Variants in PHF8 observed in about 807,000 individuals in gnomAD.
The protein encoded by PHF8 is histone lysine demethylase PHF8.
In PHF8, 9 loss-of-function variants were observed where a neutral mutation model predicts 74.4. The observed-to-expected ratio is 0.12, with a 90% CI of 0.07 to 0.21. The LOEUF (loss-of-function observed/expected upper bound fraction) is 0.21. PHF8 is among the 10% of genes least tolerant of loss of function. The pLI is 1.00. For missense variants in PHF8, 478 were observed against 816.6 expected (o/e 0.59, Z 5.05); for synonymous variants, 311 against 316.6 (o/e 0.98, Z 0.19).
Position 54,016,684 on chromosome X carries a change from C to T in PHF8, c.507G>A (p.Lys169=), listed in dbSNP as rs1557108304. The change falls in exon 6 of 22, where the codon AAG becomes AAA. Residue 169 remains lysine, a synonymous_variant. Coordinates refer to ENST00000338154, the MANE Select transcript of PHF8 (RefSeq NM_015107.3). ...VIDVTRQADC[K]MKLGDFVKYY... is the part of the protein sequence containing the mutation. ...ATTTCACAAAATCACCAAGCTTCAT[C>T]TTGCAGTCAGCCTGGCGGGTCACAT... is the stretch of plus-strand genomic sequence containing the variant. 1.3e-5 allele frequency: 16 copies of T among 1,199,985 alleles called. No homozygotes were observed. Among genetic ancestry groups the T allele is most frequent in the Non-Finnish European group, 1.8e-5 (16 of 885,058 alleles).
Position 54,002,740 on chromosome X carries a change from C to G in PHF8, c.947-58G>C. Reference sequence around the variant, plus strand: ...AGAGGGCCTTTCTTCCTCTGATTATCTCCACTACCTACTCATCTCAAACCC... The same window carrying G: ...AGAGGGCCTTTCTTCCTCTGATTATGTCCACTACCTACTCATCTCAAACCC... On this transcript the variant is annotated intron_variant, in intron 8 of 21. Transcript: ENST00000338154. 7 of 770,095 alleles carry G rather than the reference C, an allele frequency of 9.1e-6. No individual in the cohort carries two copies. The South Asian group carries it at 1.5e-4, about 16-fold the overall frequency. 63.5% of individuals were successfully genotyped at this position (770,095 alleles called of 1,213,427 possible). A position where few individuals can be genotyped will look rare whatever the true frequency, so the allele number is the denominator to read the frequency against.
At chrX:54,018,413 G>A (rs1039228247) in intron 4 of PHF8, among the ~76,000 whole-genome samples, 2 of 106,430 alleles carry the variant, frequency 1.9e-5, no homozygotes, top group South Asian at 8.5e-4. Flanking sequence ...CTTTGAACAT[G>A]CCACTGCACT....
chrX:53,938,973 G>C lies in PHF8; in HGVS notation c.*185C>G. ...TGGAGAAGGCAGGCAGGATGCTCTA[G>C]TGAAAGTGGGGAAGGGAACTAGAAG... On this transcript the variant is annotated 3_prime_UTR_variant, in exon 22 of 22. Coordinates refer to ENST00000338154, the MANE Select transcript of PHF8 (RefSeq NM_015107.3). The C allele has an allele frequency of 3.0e-6, 3 of 1,012,201 alleles. No individual in the cohort carries two copies. The highest frequency in any genetic ancestry group is 3.8e-6 in the Non-Finnish European group (3 of 798,503). The allele number at this position is 1,012,201 out of a possible 1,213,427, so 83.4% of individuals were successfully genotyped here. A position where few individuals can be genotyped will look rare whatever the true frequency, so the allele number is the denominator to read the frequency against.
rs1021548896 is a variant in PHF8, at chrX:53,936,830, C to G, written c.*2328G>C. ...ACCCTAACCTATTTATAAAAAGGCCCTGCATCAGAAATTCACAATCCTACC... is the reference window on the plus strand; with the variant it reads ...ACCCTAACCTATTTATAAAAAGGCCGTGCATCAGAAATTCACAATCCTACC... On this transcript the variant is annotated 3_prime_UTR_variant, in exon 22 of 22. Transcript: ENST00000338154. 8.9e-6 allele frequency: 1 copy of G among 111,766 alleles called. No individual in the cohort carries two copies. The highest frequency in any genetic ancestry group is 3.3e-5 in the African/African-American group (1 of 30,622). 9.2% of individuals were successfully genotyped at this position (111,766 alleles called of 1,213,427 possible). A position where few individuals can be genotyped will look rare whatever the true frequency, so the allele number is the denominator to read the frequency against.
chrX:54,017,869 A>C, intron 4 of PHF8, 48 bp from the exon 5 acceptor site: 1 of 1,150,396 alleles, frequency 8.7e-7, no homozygotes, highest in African/African-American at 1.8e-5. Flanking sequence ...CTGCCCACTA[A>C]AGGCCTTATT....
At chrX:53,994,054 A>T (rs782557006) in intron 12 of PHF8, 151 bp from the exon 13 acceptor site, 1 of 458,577 alleles carries the variant, frequency 2.2e-6, no homozygotes, top group East Asian at 3.7e-5. Flanking sequence ...TTACATAATG[A>T]GTCATCAAGA....
At chrX:53,979,119 GCCTATAAT>G (rs1246053788) in intron 18 of PHF8, among the ~76,000 whole-genome samples, 1 of 112,115 alleles carries the variant, frequency 8.9e-6, no homozygotes, top group Non-Finnish European at 1.9e-5. Flanking sequence ...AGTGGGTCAC[GCCTATAAT>G]CCCAGCACTT....
At chrX:53,992,431 T>C (rs1365641555) in intron 14 of PHF8, among the ~76,000 whole-genome samples, 4 of 112,027 alleles carry the variant, frequency 3.6e-5, no homozygotes, top group Non-Finnish European at 7.5e-5. Flanking sequence ...CTAATGCTTT[T>C]AGTAAGTATG....
intron 6 of PHF8, 128 bp from the exon 7 acceptor site, chrX:54,014,691 C>T (rs368619104): frequency 2.0e-5 from 10 of 511,615 alleles, no homozygotes; most frequent in Admixed American, 1.1e-4. Flanking sequence ...ACAGAATCCC[C>T]AAAGGCACAT....
chrX:53,995,776 G>A lies in PHF8; in HGVS notation c.1240C>T (p.Pro414Ser), dbSNP rs1277147445. The A allele has an allele frequency of 1.7e-6, 2 of 1,173,180 alleles. No homozygotes were observed. Among genetic ancestry groups the A allele is most frequent in the Admixed American group, 2.2e-5 (1 of 45,526 alleles). The change falls in exon 12 of 22, where the codon CCA becomes TCA. Residue 414 changes from proline to serine, a missense_variant. Physicochemically the swap from Pro to Ser is moderately conservative, Grantham distance 74. Coordinates refer to ENST00000338154, the MANE Select transcript of PHF8 (RefSeq NM_015107.3). ...TCCGGGATCTCATCCTCATGGTCTG[G>A]CAGAGCCTGTCAAACAAGAGGCATG... ...FRAWTRKEALPDHEDEIPETV... is the reference protein window; with the variant it reads ...FRAWTRKEALSDHEDEIPETV...
Position 54,044,201 on chromosome X carries a change from G to A in PHF8, c.-532C>T. On this transcript the variant is annotated 5_prime_UTR_variant, in exon 1 of 22. Transcript: ENST00000338154. ...CGGCGAACGGGCAAGTGGCGTCGTC[G>A]CTGGGCCGGCAGGAGATACTCGCGA... is the stretch of plus-strand genomic sequence containing the variant. 1.3e-6 allele frequency: 1 copy of A among 755,020 alleles called. No individual in the cohort carries two copies. Among genetic ancestry groups the A allele is most frequent in the Non-Finnish European group, 1.6e-6 (1 of 639,431 alleles). The allele number at this position is 755,020 out of a possible 1,213,427, so 62.2% of individuals were successfully genotyped here. A position where few individuals can be genotyped will look rare whatever the true frequency, so the allele number is the denominator to read the frequency against.
At chrX:54,023,841 CAAAAAAAA>C (rs782579990) in intron 2 of PHF8, among the ~76,000 whole-genome samples, 2 of 39,189 alleles carry the variant, frequency 5.1e-5, no homozygotes, top group Non-Finnish European at 9.8e-5. Flanking sequence ...ACCCTGTCTC[CAAAAAAAA>C]AAAAAAAAAA....
intron 18 of PHF8, among the ~76,000 whole-genome samples, chrX:53,968,824 G>A (rs1432458268): frequency 9.0e-6 from 1 of 111,686 alleles, no homozygotes; most frequent in African/African-American, 3.3e-5. Context: ...CAGGAGAATC[G>A]CTTGAACCCA....
chrX:53,950,499 G>C (rs1325024136), intron 19 of PHF8, among the ~76,000 whole-genome samples: 2 of 112,508 alleles, frequency 1.8e-5, no homozygotes, highest in East Asian at 5.6e-4. Context: ...CCCTAAGCAT[G>C]CACCTCTGTC....
chrX:53,941,617 A>G (rs2064752406), intron 20 of PHF8, among the ~76,000 whole-genome samples: 1 of 112,052 alleles, frequency 8.9e-6, no homozygotes, highest in African/African-American at 3.2e-5. Flanking sequence ...AAACCAACTC[A>G]GTGATCACAT....
chrX:54,044,760 C>T, upstream of PHF8: 1 of 595,668 alleles, frequency 1.7e-6, no homozygotes, highest in Non-Finnish European at 2.6e-6. Context: ...TCGCACACTC[C>T]TCCTCCCCAG....
In PHF8 at chrX:54,038,289, GAAT is replaced by G. The variant is rs782529924; in HGVS notation, c.98+4339_98+4341del. Among the ~76,000 whole-genome samples the G allele has an allele frequency of 2.0e-4, 22 of 112,022 alleles. No homozygotes were observed. In the South Asian group the frequency reaches 2.6e-3, roughly 13 times the overall value. ...GTTAGCTCACTTAGGAATTAAAAAA[GAAT>G]AATATAAAAAGAATGTTCATTCCAA... is the stretch of plus-strand genomic sequence containing the variant. On this transcript the variant is annotated intron_variant, in intron 2 of 21. Transcript: ENST00000338154.
At chrX:53,980,455 A>C (rs1411401983) in intron 18 of PHF8, among the ~76,000 whole-genome samples, 1 of 110,749 alleles carries the variant, frequency 9.0e-6, no homozygotes, top group Non-Finnish European at 1.9e-5. Flanking sequence ...CCAAGCAGAG[A>C]GACCTCAGGA....
intron 7 of PHF8, 127 bp downstream of exon 7, chrX:54,014,250 C>T (rs1206495257): frequency 1.8e-5 from 10 of 552,010 alleles, no homozygotes; most frequent in African/African-American, 1.1e-4. Flanking sequence ...CCACCGCGCC[C>T]GGCCAAATCA....
Sources: gnomAD v4.1 joint callset for allele counts (sites outside exome capture counted in the v4.1 genomes callset) on GRCh38, gnomAD v4.1.1 for gene constraint, MANE v1.5 for transcripts, NCBI Gene and HGNC (gene_info 2026-07-23, HGNC 2026-07-21) for gene names.